The following PDE1C variants were observed in gnomAD, a reference collection of about 807,000 sequenced individuals.
PDE1C encodes phosphodiesterase 1C, also known as dual specificity calcium/calmodulin-dependent 3',5'-cyclic nucleotide phosphodiesterase 1C.
A neutral mutation model predicts 93.1 loss-of-function variants in PDE1C; 62 were observed. The observed-to-expected ratio is 0.67, with a 90% confidence interval of 0.54 to 0.82. The LOEUF is 0.82. PDE1C is among the 40% of genes least tolerant of loss of function. PDE1C has a pLI of 0.00. For synonymous variants in PDE1C, 325 were observed against 310.1 expected (o/e 1.05, Z -0.50); for missense variants, 742 against 884.6 (o/e 0.84, Z 2.04).
intron 1 of PDE1C, among the ~76,000 whole-genome samples, chr7:32,056,749 A>G (rs1027811988): frequency 6.6e-6 from 1 of 152,232 alleles, no homozygotes; most frequent in Non-Finnish European, 1.5e-5. Context: ...GTAGGTTTTC[A>G]AAACTTACTT....
intron 2 of PDE1C, among the ~76,000 whole-genome samples, chr7:31,986,684 C>G (rs540353801): frequency 8.5e-5 from 13 of 152,096 alleles, no homozygotes; most frequent in African/African-American, 3.1e-4. Context: ...TCAAGATTGC[C>G]AGGAGCCACC....
the PDE1C span, among the ~76,000 whole-genome samples, chr7:31,744,823 C>T: frequency 1.3e-5 from 2 of 152,118 alleles, no homozygotes; most frequent in African/African-American, 4.8e-5. Flanking sequence ...CGGGAAACTG[C>T]AGTACTTTCA....
intron 1 of PDE1C, among the ~76,000 whole-genome samples, chr7:32,276,373 A>C (rs1430545263): frequency 6.6e-6 from 1 of 152,234 alleles, no homozygotes; most frequent in Non-Finnish European, 1.5e-5. Context: ...CTCAGAAAAC[A>C]AGGAAGAAAA....
At chr7:31,940,567 G>C (rs1442825678) in intron 2 of PDE1C, among the ~76,000 whole-genome samples, 1 of 152,112 alleles carries the variant, frequency 6.6e-6, no homozygotes, top group African/African-American at 2.4e-5. Flanking sequence ...AGAAGTAAAA[G>C]GGACAAAGGA....
chr7:31,627,738 T>G, the PDE1C span, among the ~76,000 whole-genome samples: 1 of 150,172 alleles, frequency 6.7e-6, no homozygotes, highest in African/African-American at 2.5e-5. Context: ...TGGAAAGCAG[T>G]GTCTCAGTCC....
chr7:32,176,711 A>C (rs918007917), intron 2 of PDE1C, among the ~76,000 whole-genome samples: 1 of 152,190 alleles, frequency 6.6e-6, no homozygotes, highest in Non-Finnish European at 1.5e-5. Context: ...ACTCACACAC[A>C]CACAGCAGAG....
At chr7:32,348,345 A>C (rs1158253727) in intron 1 of PDE1C, among the ~76,000 whole-genome samples, 2 of 151,204 alleles carry the variant, frequency 1.3e-5, no homozygotes, top group Non-Finnish European at 1.5e-5. Flanking sequence ...CAAAAATAAA[A>C]AACAAATGTG....
chr7:31,772,946 G>A (rs1231670726), intron 17 of PDE1C, among the ~76,000 whole-genome samples: 1 of 152,228 alleles, frequency 6.6e-6, no homozygotes, highest in African/African-American at 2.4e-5. Flanking sequence ...TGGCACACAA[G>A]CCAGAGGGAG....
the PDE1C span, among the ~76,000 whole-genome samples, chr7:31,677,109 G>GA: frequency 6.6e-6 from 1 of 152,206 alleles, no homozygotes; most frequent in Admixed American, 6.5e-5. Flanking sequence ...ATCCAAAGCA[G>GA]AGATGGAAGT....
At chr7:32,230,337 G>A (rs996624988) in intron 1 of PDE1C, among the ~76,000 whole-genome samples, 3 of 152,164 alleles carry the variant, frequency 2.0e-5, no homozygotes, top group Non-Finnish European at 4.4e-5. Flanking sequence ...GCTCTTCCTT[G>A]GAAGATGCCA....
upstream of PDE1C, among the ~76,000 whole-genome samples, chr7:32,071,877 G>A (rs1325576827): frequency 6.6e-6 from 1 of 152,150 alleles, no homozygotes; most frequent in Non-Finnish European, 1.5e-5. Flanking sequence ...ACCACCAGGG[G>A]CTATTTCAAA....
intron 2 of PDE1C, among the ~76,000 whole-genome samples, chr7:31,961,246 A>G (rs200024580): frequency 5.3e-5 from 8 of 149,842 alleles, no homozygotes; most frequent in South Asian, 2.1e-4. Context: ...ATGTATATGT[A>G]TATATATATA....
In PDE1C at chr7:31,874,702, C is replaced by T. The variant is rs187755586; in HGVS notation, c.493-1294G>A. Among the ~76,000 whole-genome samples, 84 of 152,370 alleles carry T rather than the reference C, an allele frequency of 5.5e-4. 3 individuals carry two copies. The highest frequency in any genetic ancestry group is 2.0e-3 in the African/African-American group (82 of 41,586). ...GTTTAAATTGAATTGTTCCAATTCA[C>T]ACTTAGTGGTAACCTCACTTAAGTC... On this transcript the variant is annotated intron_variant, in intron 5 of 17. Coordinates refer to ENST00000396191, the MANE Select transcript of PDE1C (RefSeq NM_001191057.4).
chr7:31,793,800 C>T (rs1172730821), intron 16 of PDE1C, among the ~76,000 whole-genome samples: 2 of 151,418 alleles, frequency 1.3e-5, no homozygotes, highest in African/African-American at 4.9e-5. Flanking sequence ...TATTTTAAAG[C>T]GTTATTTTCA....
chr7:32,286,307 CA>C (rs1811996828), intron 1 of PDE1C, among the ~76,000 whole-genome samples: 1 of 152,196 alleles, frequency 6.6e-6, no homozygotes. Flanking sequence ...ATCAAGCTCT[CA>C]GATAACCAAT....
At chr7:32,402,712 C>A (rs148409017) in intron 1 of PDE1C, among the ~76,000 whole-genome samples, 3 of 152,294 alleles carry the variant, frequency 2.0e-5, no homozygotes, top group Admixed American at 1.3e-4. Context: ...ATCATACTCA[C>A]CCTCTCCAAG....
chr7:31,872,977 A>C (rs1310477112), intron 6 of PDE1C, among the ~76,000 whole-genome samples: 1 of 152,286 alleles, frequency 6.6e-6, no homozygotes, highest in African/African-American at 2.4e-5. Context: ...ACACAAAGTC[A>C]TGTGGAAATG....
At chr7:31,687,509 G>A in the PDE1C span, among the ~76,000 whole-genome samples, 1 of 152,202 alleles carries the variant, frequency 6.6e-6, no homozygotes, top group African/African-American at 2.4e-5. Flanking sequence ...TTCTGTAAAA[G>A]ACTGAACCCT....
chr7:32,037,937 A>G lies in PDE1C; in HGVS notation c.128+13617T>C, dbSNP rs191447023. ...CAACTCAAAACATTCAGTATGACTTATTTTTAAAATAAGTACTTTCAATTT... is the reference window on the plus strand; with the variant it reads ...CAACTCAAAACATTCAGTATGACTTGTTTTTAAAATAAGTACTTTCAATTT... On this transcript the variant is annotated intron_variant, in intron 2 of 17. Coordinates refer to ENST00000396191, the MANE Select transcript of PDE1C (RefSeq NM_001191057.4). Among the ~76,000 whole-genome samples, 407 of 152,288 alleles carry G rather than the reference A, an allele frequency of 2.7e-3. 1 individual carries two copies. Among genetic ancestry groups the G allele is most frequent in the African/African-American group, 9.1e-3 (377 of 41,564 alleles).
Sources: gnomAD v4.1 joint callset for allele counts (sites outside exome capture counted in the v4.1 genomes callset) on GRCh38, gnomAD v4.1.1 for gene constraint, MANE v1.5 for transcripts, NCBI Gene and HGNC (gene_info 2026-07-23, HGNC 2026-07-21) for gene names.